The following DUOXA1 variants were observed in gnomAD, a reference collection of about 807,000 sequenced individuals.
DUOXA1 encodes the protein dual oxidase maturation factor 1.
Under a neutral mutation model 26.6 loss-of-function variants are expected in DUOXA1, and 19 were observed. The observed-to-expected ratio is 0.71, with a 90% CI of 0.50 to 1.05. The LOEUF is 1.05. DUOXA1 is among the 50% of genes least tolerant of loss of function. The probability of loss-of-function intolerance (pLI) is 0.00; values close to 1 mark genes in which losing one functional copy is unlikely to be tolerated. For synonymous variants in DUOXA1, 166 were observed against 177.0 expected (o/e 0.94, Z 0.49); for missense variants, 403 against 427.5 (o/e 0.94, Z 0.51).
chr15:45,123,967 G>A (rs1430486650), intron 3 of DUOXA1, among the ~76,000 whole-genome samples: 1 of 151,784 alleles, frequency 6.6e-6, no homozygotes, highest in Non-Finnish European at 1.5e-5. Context: ...AAATAAAGGG[G>A]AAAAAAAGTC....
chr15:45,121,054 T>C (rs1438863489), intron 6 of DUOXA1, 33 bp downstream of exon 6: 1 of 1,612,808 alleles, frequency 6.2e-7, no homozygotes, highest in African/African-American at 1.3e-5. Flanking sequence ...GGCAGAGCCT[T>C]CCCCCCCACC....
intron 4 of DUOXA1, 41 bp from the exon 5 acceptor site, chr15:45,122,283 C>T (rs1214734978): frequency 1.3e-6 from 2 of 1,563,020 alleles, no homozygotes; most frequent in South Asian, 2.3e-5. Flanking sequence ...GAGTGCCTTC[C>T]TTCCACATCT....
Position 45,122,184 on chromosome 15 carries a change from C to T in DUOXA1, c.205+1G>A, listed in dbSNP as rs1172809195. On this transcript the variant is annotated splice_donor_variant, in intron 5 of 8. Transcript: ENST00000560572. LOFTEE classifies it high-confidence loss of function. ...CCAAGTCAGCTGCACTTCGCACTCA[C>T]CCAGGATTGCAGCCCCGATGAATAA... 4 of 1,600,422 alleles carry T rather than the reference C, an allele frequency of 2.5e-6. No individual in the cohort carries two copies. The highest frequency in any genetic ancestry group is 1.3e-5 in the African/African-American group (1 of 74,896).
intron 3 of DUOXA1, among the ~76,000 whole-genome samples, chr15:45,123,771 T>C (rs1895443570): frequency 6.6e-6 from 1 of 152,242 alleles, no homozygotes; most frequent in Non-Finnish European, 1.5e-5. Flanking sequence ...TTGATTCAAA[T>C]TCCCAGGCCA....
At chr15:45,126,727 G>A (rs558698754) in intron 3 of DUOXA1, among the ~76,000 whole-genome samples, 1 of 152,212 alleles carries the variant, frequency 6.6e-6, no homozygotes, top group Admixed American at 6.5e-5. Flanking sequence ...CTCCCCACAG[G>A]TGGCTTCTGA....
chr15:45,120,906 A>C, intron 6 of DUOXA1, 101 bp from the exon 7 acceptor site: 2 of 1,501,280 alleles, frequency 1.3e-6, no homozygotes, highest in African/African-American at 1.4e-5. Context: ...AAGTGGTCTC[A>C]ACTGAGAGAA....
chr15:45,118,906 T>A lies in DUOXA1; in HGVS notation c.*200A>T, dbSNP rs1894870040. The stretch of plus-strand genomic sequence containing the variant: ...ACAGGCTTTATGGACAGGCCCAGCA[T>A]CTCTTCAGTCCCTTAGGGCTTTTTG... On this transcript the variant is annotated 3_prime_UTR_variant, in exon 9 of 9. Coordinates refer to ENST00000560572, the MANE Select transcript of DUOXA1 (RefSeq NM_001276266.2). 7.8e-7 allele frequency: 1 copy of A among 1,279,126 alleles called. No homozygotes were observed. Among genetic ancestry groups the A allele is most frequent in the Non-Finnish European group, 9.9e-7 (1 of 1,013,964 alleles). The allele number at this position is 1,279,126 out of a possible 1,614,324, so 79.2% of individuals were successfully genotyped here.
chr15:45,126,762 C>T (rs762293010), intron 3 of DUOXA1, among the ~76,000 whole-genome samples: 1 of 152,252 alleles, frequency 6.6e-6, no homozygotes, highest in Non-Finnish European at 1.5e-5. Flanking sequence ...GGGAGCTATG[C>T]TCCCTTATTG....
At chr15:45,121,253 C>T (rs1251029528) in intron 5 of DUOXA1, 32 bp from the exon 6 acceptor site, 3 of 1,613,968 alleles carry the variant, frequency 1.9e-6, no homozygotes, top group Non-Finnish European at 8.5e-7. Flanking sequence ...TATGGGAACT[C>T]AGAGATGACT....
Position 45,120,283 on chromosome 15 carries a change from G to A in DUOXA1, c.592C>T (p.Leu198Phe), listed in dbSNP as rs1276234731. ...FLCWLLANVMLSMPVLVYGGY... is the reference protein window; with the variant it reads ...FLCWLLANVMFSMPVLVYGGY... ...CCATATACCAGCACAGGCATGGAGA[G>A]CATCACATTGGCCAGCAGCCAGCAG... Residue 198 changes from leucine (L) to phenylalanine (F), a missense_variant, in exon 8 of 9, where the codon CTC becomes TTC. Physicochemically the swap from Leu to Phe is conservative, Grantham distance 22 (BLOSUM62 0). Coordinates refer to ENST00000560572, the MANE Select transcript of DUOXA1 (RefSeq NM_001276266.2). The A allele has an allele frequency of 2.5e-6, 4 of 1,613,992 alleles. No individual in the cohort carries two copies. The highest frequency in any genetic ancestry group is 3.4e-6 in the Non-Finnish European group (4 of 1,180,022).
Position 45,117,563 on chromosome 15 carries a change from A to G in DUOXA1, c.*1543T>C, listed in dbSNP as rs149711152. 1,773 of 1,593,370 alleles carry G rather than the reference A, an allele frequency of 1.1e-3. 1 individual carries two copies. The highest frequency in any genetic ancestry group is 1.4e-3 in the Non-Finnish European group (1,595 of 1,169,242). On this transcript the variant is annotated 3_prime_UTR_variant, in exon 9 of 9. Transcript: ENST00000560572. The stretch of plus-strand genomic sequence containing the variant: ...AGGTAACACAAGGGGTAGGCTCCAA[A>G]AGATGGAAGAAGGCCCGGGCATCAC...
In DUOXA1 at chr15:45,129,430, C is replaced by T; in HGVS notation, c.-147+30G>A. On this transcript the variant is annotated intron_variant, in intron 2 of 8. Coordinates refer to ENST00000560572, the MANE Select transcript of DUOXA1 (RefSeq NM_001276266.2). This position sits in a 1 kb window ranked among gnomAD's most constrained non-coding sequence, Gnocchi z 4.1. ...CCTCCTCTGCGCCCCCCCACCCATGCCCAGCAATCCCAGCAGCTCCAGCGC... is the reference window on the plus strand; with the variant it reads ...CCTCCTCTGCGCCCCCCCACCCATGTCCAGCAATCCCAGCAGCTCCAGCGC... 6.5e-6 allele frequency: 1 copy of T among 153,250 alleles called. No homozygotes were observed. The allele number at this position is 153,250 out of a possible 1,614,324, so 9.5% of individuals were successfully genotyped here.
At chr15:45,125,549 T>C (rs1846242399) in intron 3 of DUOXA1, among the ~76,000 whole-genome samples, 1 of 152,206 alleles carries the variant, frequency 6.6e-6, no homozygotes, top group Non-Finnish European at 1.5e-5. Flanking sequence ...TGACTTTTCC[T>C]CATCCCTGCC....
Position 45,118,591 on chromosome 15 carries a change from A to C in DUOXA1, c.*515T>G. The C allele has an allele frequency of 1.0e-6, 1 of 990,782 alleles. No individual in the cohort carries two copies. The highest frequency in any genetic ancestry group is 1.2e-6 in the Non-Finnish European group (1 of 833,904). The allele number at this position is 990,782 out of a possible 1,614,324, so 61.4% of individuals were successfully genotyped here. On this transcript the variant is annotated 3_prime_UTR_variant, in exon 9 of 9. Transcript: ENST00000560572. Reference sequence around the variant, plus strand: ...GGCATAGTTGGTTAATGTTAGACCTAGGATGAGAAGTTTGGTTTCCCCTCC... The same window carrying C: ...GGCATAGTTGGTTAATGTTAGACCTCGGATGAGAAGTTTGGTTTCCCCTCC...
Position 45,117,777 on chromosome 15 carries a change from T to C in DUOXA1, c.*1329A>G. 6.2e-7 allele frequency: 1 copy of C among 1,614,006 alleles called. No individual in the cohort carries two copies. The highest frequency in any genetic ancestry group is 8.5e-7 in the Non-Finnish European group (1 of 1,180,038). Reference sequence around the variant, plus strand: ...GTCTCCAGTATGTTCGGCCCAGCGCTCTTCGCACCCTTCTGGACCAAAGCG... The same window carrying C: ...GTCTCCAGTATGTTCGGCCCAGCGCCCTTCGCACCCTTCTGGACCAAAGCG... On this transcript the variant is annotated 3_prime_UTR_variant, in exon 9 of 9. Transcript: ENST00000560572.
chr15:45,129,869 G>C lies in DUOXA1; in HGVS notation c.-320C>G, dbSNP rs575046296. The C allele has an allele frequency of 6.6e-6, 1 of 152,224 alleles. No homozygotes were observed. Among genetic ancestry groups the C allele is most frequent in the East Asian group, 1.9e-4 (1 of 5,170 alleles). The allele number at this position is 152,224 out of a possible 1,614,324, so 9.4% of individuals were successfully genotyped here. A position where few individuals can be genotyped will look rare whatever the true frequency, so the allele number is the denominator to read the frequency against. On this transcript the variant is annotated 5_prime_UTR_variant, in exon 1 of 9. Transcript: ENST00000560572. This position sits in a 1 kb window ranked among gnomAD's most constrained non-coding sequence, Gnocchi z 4.1. Reference sequence around the variant, plus strand: ...CGTCTCACCTCGCGCGCTGCCGTCCGCTGGAAGCACCTCCGCGCCTCCCCA... The same window carrying C: ...CGTCTCACCTCGCGCGCTGCCGTCCCCTGGAAGCACCTCCGCGCCTCCCCA...
At position 45,118,991 on chromosome 15, in the gene DUOXA1, T is replaced by C. The variant is rs1894877872; in HGVS notation, c.*115A>G. The C allele has an allele frequency of 2.0e-6, 3 of 1,466,288 alleles. No individual in the cohort carries two copies. Among genetic ancestry groups the C allele is most frequent in the Non-Finnish European group, 2.7e-6 (3 of 1,109,882 alleles). The allele number at this position is 1,466,288 out of a possible 1,614,324, so 90.8% of individuals were successfully genotyped here. A position where few individuals can be genotyped will look rare whatever the true frequency, so the allele number is the denominator to read the frequency against. On this transcript the variant is annotated 3_prime_UTR_variant, in exon 9 of 9. Transcript: ENST00000560572. Reference sequence around the variant, plus strand: ...CTCCTTTTTCTACTCCGTCTGTAGATTGGTGCTGGGTGTCTGGTAACAGCC... The same window carrying C: ...CTCCTTTTTCTACTCCGTCTGTAGACTGGTGCTGGGTGTCTGGTAACAGCC...
At chr15:45,124,447 T>C (rs1007503770) in intron 3 of DUOXA1, among the ~76,000 whole-genome samples, 1 of 152,192 alleles carries the variant, frequency 6.6e-6, no homozygotes, top group Non-Finnish European at 1.5e-5. Flanking sequence ...TCTTTTTTTA[T>C]TTTAAGTAAA....
chr15:45,120,536 C>T (rs1895084330), intron 7 of DUOXA1, 56 bp downstream of exon 7: 5 of 1,588,242 alleles, frequency 3.1e-6, no homozygotes, highest in Non-Finnish European at 2.6e-6. Context: ...GGGTAGAAAC[C>T]CTGTTCCTGA....
Sources: allele counts gnomAD v4.1 joint callset (sites outside exome capture counted in the v4.1 genomes callset), GRCh38; gene constraint gnomAD v4.1.1; non-coding constraint Gnocchi (gnomAD v3.1); transcripts MANE v1.5; gene names NCBI Gene and HGNC (gene_info 2026-07-23, HGNC 2026-07-21).